The following KDM4C variants were observed in gnomAD, a reference collection of about 807,000 sequenced individuals.
KDM4C encodes lysine demethylase 4C.
KDM4C carries 81 observed loss-of-function variants against 129.3 expected under a neutral mutation model. That is an observed-to-expected ratio of 0.63 (90% CI 0.52 to 0.75). The LOEUF (loss-of-function observed/expected upper bound fraction) is 0.75, where lower values mean the gene tolerates loss of function less well. Among genes scored for constraint, KDM4C ranks in the 30% least tolerant of loss-of-function variants. The pLI is 0.00. For missense variants in KDM4C, 1,457 were observed against 1,304.0 expected (o/e 1.12, Z -1.81); for synonymous variants, 573 against 456.1 (o/e 1.26, Z -3.26).
intron 5 of KDM4C, among the ~76,000 whole-genome samples, chr9:6,877,421 C>T (rs983044059): frequency 9.2e-5 from 14 of 152,078 alleles, no homozygotes; most frequent in Non-Finnish European, 1.8e-4. Context: ...AGGGTGGTCT[C>T]GGTCTCCTGA....
intron 12 of KDM4C, among the ~76,000 whole-genome samples, chr9:6,997,271 G>T (rs539505156): frequency 3.9e-5 from 6 of 152,184 alleles, no homozygotes; most frequent in Non-Finnish European, 8.8e-5. Flanking sequence ...CAGAATGGGC[G>T]CAGAGCGATC....
At chr9:7,148,727 G>A (rs1446971451) in intron 19 of KDM4C, among the ~76,000 whole-genome samples, 1 of 152,190 alleles carries the variant, frequency 6.6e-6, no homozygotes, top group African/African-American at 2.4e-5. Context: ...TTGGATGACC[G>A]AACACCTCTT....
intron 18 of KDM4C, chr9:7,104,478 TAG>T (rs1837455672): frequency 6.6e-6 from 1 of 152,110 alleles, no homozygotes; most frequent in South Asian, 2.1e-4. Flanking sequence ...AGGAGAAATA[TAG>T]AGAACAATTT....
chr9:7,078,522 A>C (rs1467801277), intron 17 of KDM4C, among the ~76,000 whole-genome samples: 1 of 152,098 alleles, frequency 6.6e-6, no homozygotes, highest in Admixed American at 6.6e-5. Context: ...GTTCTCTTCA[A>C]CATGGAAGGT....
intron 15 of KDM4C, among the ~76,000 whole-genome samples, chr9:7,040,021 G>T (rs181025062): frequency 6.6e-6 from 1 of 152,000 alleles, no homozygotes; most frequent in Non-Finnish European, 1.5e-5. Flanking sequence ...ATGTTTCTTA[G>T]AATTCAATAC....
chr9:6,792,494 T>G (rs956460059), intron 1 of KDM4C, among the ~76,000 whole-genome samples: 5 of 151,794 alleles, frequency 3.3e-5, no homozygotes, highest in African/African-American at 1.2e-4. Flanking sequence ...GTTCAAGCAA[T>G]TTTGCTGCCT....
intron 12 of KDM4C, among the ~76,000 whole-genome samples, chr9:6,994,344 C>T (rs1172395218): frequency 3.3e-5 from 5 of 152,134 alleles, no homozygotes; most frequent in Non-Finnish European, 5.9e-5. Context: ...CATGTATTTG[C>T]CCAGGCTGTT....
At chr9:6,893,784 T>C (rs982136603) in intron 8 of KDM4C, among the ~76,000 whole-genome samples, 1 of 152,218 alleles carries the variant, frequency 6.6e-6, no homozygotes, top group African/African-American at 2.4e-5. Flanking sequence ...ATTTTGCATC[T>C]CCTGCCCAGT....
At chr9:6,923,792 G>A (rs1193321800) in intron 8 of KDM4C, among the ~76,000 whole-genome samples, 1 of 152,130 alleles carries the variant, frequency 6.6e-6, no homozygotes, top group Non-Finnish European at 1.5e-5. Context: ...TGCTTCCTGT[G>A]TCAATGACTG....
upstream of KDM4C, chr9:6,757,571 G>A (rs1396379015): frequency 1.1e-6 from 1 of 947,858 alleles, no homozygotes; most frequent in Non-Finnish European, 1.3e-6. Context: ...CGACTTTCTC[G>A]CCAGGCTCTC....
chr9:6,889,052 T>A (rs1347072240), intron 7 of KDM4C, among the ~76,000 whole-genome samples: 1 of 31,354 alleles, frequency 3.2e-5, no homozygotes, highest in Non-Finnish European at 6.4e-5. Flanking sequence ...CCTCCCAAAG[T>A]GCTGGGATTA....
chr9:7,081,926 A>G (rs897254400), intron 17 of KDM4C, among the ~76,000 whole-genome samples: 1 of 152,188 alleles, frequency 6.6e-6, no homozygotes, highest in Non-Finnish European at 1.5e-5. Context: ...GAATCAGAGC[A>G]GGAACCCAGA....
At chr9:6,866,714 C>T (rs28528357) in intron 5 of KDM4C, among the ~76,000 whole-genome samples, 1,800 of 152,018 alleles carry the variant, frequency 0.012, 32 homozygotes, top group African/African-American at 0.04. Flanking sequence ...GTGTAGAAAC[C>T]GTGAGTGGGG....
intron 17 of KDM4C, among the ~76,000 whole-genome samples, chr9:7,054,069 C>G (rs1830556984): frequency 6.6e-6 from 1 of 152,150 alleles, no homozygotes; most frequent in African/African-American, 2.4e-5. Flanking sequence ...AAAAGTTATC[C>G]TTGTGGCAAG....
At chr9:6,994,288 C>G (rs1257473517) in intron 12 of KDM4C, among the ~76,000 whole-genome samples, 1 of 152,078 alleles carries the variant, frequency 6.6e-6, no homozygotes, top group Non-Finnish European at 1.5e-5. Context: ...TTGGGGACCC[C>G]TGATTTAGAC....
At chr9:7,104,430 G>A (rs942141457) in intron 18 of KDM4C, 1 of 152,406 alleles carries the variant, frequency 6.6e-6, no homozygotes, top group Non-Finnish European at 1.5e-5. Flanking sequence ...GCCCTGGAAG[G>A]AGTGAGGATA....
intron 18 of KDM4C, among the ~76,000 whole-genome samples, chr9:7,117,639 ACACACAC>A (rs1839053353): frequency 6.8e-6 from 1 of 147,484 alleles, no homozygotes; most frequent in Non-Finnish European, 1.5e-5. Context: ...ACACACACAC[ACACACAC>A]ACACACACAC....
rs750547572 is a variant in KDM4C at position 7,103,780 on chromosome 9, T to C, written c.2520T>C (p.Cys840=). 1.9e-6 allele frequency: 3 copies of C among 1,614,052 alleles called. No individual in the cohort carries two copies. In the South Asian group the frequency reaches 3.3e-5, roughly 18 times the overall value. Residue 840 remains cysteine (C), a synonymous_variant, in exon 18 of 22, where the codon TGT becomes TGC. Transcript: ENST00000381309. ...GCCCGGCCTCCTTCCATGTCACTTG[T>C]GCCCATGCTGCTGGGGTACTGATGG... The part of the protein sequence containing the change: ...GRCPASFHVT[C]AHAAGVLMEP...
At chr9:6,838,738 A>C (rs1047939580) in intron 4 of KDM4C, among the ~76,000 whole-genome samples, 67 of 145,112 alleles carry the variant, frequency 4.6e-4, no homozygotes, top group African/African-American at 1.7e-3. Context: ...TTTGTTTTAA[A>C]ATAAAGATTT....
Sources: gnomAD v4.1 joint callset for allele counts (sites outside exome capture counted in the v4.1 genomes callset) on GRCh38, gnomAD v4.1.1 for gene constraint, MANE v1.5 for transcripts, NCBI Gene and HGNC (gene_info 2026-07-23, HGNC 2026-07-21) for gene names.